The following LGSN variants were observed in gnomAD, a reference collection of about 807,000 sequenced individuals.
LGSN encodes lengsin, lens protein with glutamine synthetase domain.
In LGSN, 21 loss-of-function variants were observed where a neutral mutation model predicts 19.5. The observed-to-expected ratio is 1.07, with a 90% CI of 0.76 to 1.55. LGSN has a LOEUF of 1.55. Among genes scored for constraint, LGSN ranks in the 40% most tolerant of loss-of-function variants. LGSN has a pLI of 0.00. For missense variants in LGSN, 673 were observed against 608.5 expected (o/e 1.11, Z -1.12); for synonymous variants, 257 against 215.6 (o/e 1.19, Z -1.68).
At chr6:63,564,891 A>G in the LGSN span, among the ~76,000 whole-genome samples, 1 of 152,232 alleles carries the variant, frequency 6.6e-6, no homozygotes, top group Non-Finnish European at 1.5e-5. Flanking sequence ...AGTAGGCAAA[A>G]CAGTCATGAG....
chr6:63,447,741 A>G, the LGSN span, among the ~76,000 whole-genome samples: 1 of 152,164 alleles, frequency 6.6e-6, no homozygotes, highest in African/African-American at 2.4e-5. Context: ...ATATTACAAT[A>G]ACTTTTATGT....
intron 2 of LGSN, among the ~76,000 whole-genome samples, chr6:63,294,143 C>T (rs756019922): frequency 9.2e-5 from 14 of 151,646 alleles, no homozygotes; most frequent in Admixed American, 1.3e-4. Flanking sequence ...GAGACCAGAC[C>T]GGCTAACATG....
intron 1 of LGSN, among the ~76,000 whole-genome samples, chr6:63,319,057 C>T (rs1267073276): frequency 6.6e-6 from 1 of 151,254 alleles, no homozygotes; most frequent in Non-Finnish European, 1.5e-5. Context: ...TGCCCAGTTT[C>T]CCTTAGGGAA....
chr6:63,439,476 C>T, the LGSN span, among the ~76,000 whole-genome samples: 1 of 151,886 alleles, frequency 6.6e-6, no homozygotes, highest in African/African-American at 2.4e-5. Context: ...GATCGTGCCA[C>T]TGCACTCCGG....
chr6:63,505,948 C>A, the LGSN span, among the ~76,000 whole-genome samples: 4 of 151,686 alleles, frequency 2.6e-5, no homozygotes, highest in Non-Finnish European at 4.4e-5. Context: ...TGCGCCCAGC[C>A]GTCATATTTT....
intron 2 of LGSN, among the ~76,000 whole-genome samples, chr6:63,287,341 G>T (rs1230283997): frequency 6.6e-6 from 1 of 152,030 alleles, no homozygotes; most frequent in Non-Finnish European, 1.5e-5. Context: ...CTGAAATATT[G>T]GGTGTTCAGC....
chr6:63,401,004 C>A, the LGSN span, among the ~76,000 whole-genome samples: 3 of 151,914 alleles, frequency 2.0e-5, no homozygotes, highest in African/African-American at 7.3e-5. Flanking sequence ...TTAAAAAAAA[C>A]ATTAATTCAA....
the LGSN span, among the ~76,000 whole-genome samples, chr6:63,518,667 G>A: frequency 2.0e-5 from 3 of 152,168 alleles, no homozygotes; most frequent in East Asian, 1.9e-4. Context: ...TACAGCTAAG[G>A]TTCTTTCTAG....
At chr6:63,477,687 C>CTTTTTTT in the LGSN span, among the ~76,000 whole-genome samples, 2,578 of 61,512 alleles carry the variant, frequency 0.042, 55 homozygotes, top group Non-Finnish European at 0.055. Context: ...TTCTTTTTTT[C>CTTTTTTT]TTTTTTTTTT....
At chr6:63,335,311 A>G in the LGSN span, among the ~76,000 whole-genome samples, 1 of 152,150 alleles carries the variant, frequency 6.6e-6, no homozygotes. Flanking sequence ...ACCTGAAACT[A>G]TAAAACTACT....
the LGSN span, among the ~76,000 whole-genome samples, chr6:63,409,393 A>G: frequency 6.6e-6 from 1 of 152,168 alleles, no homozygotes; most frequent in Non-Finnish European, 1.5e-5. Flanking sequence ...AAACTTCTTG[A>G]TCAAGTATTT....
At chr6:63,478,797 G>A in the LGSN span, among the ~76,000 whole-genome samples, 3 of 152,158 alleles carry the variant, frequency 2.0e-5, 1 homozygote, top group South Asian at 6.2e-4. Context: ...AAATTCAAAA[G>A]GTAGGGTGTG....
At chr6:63,562,792 G>A in the LGSN span, among the ~76,000 whole-genome samples, 2 of 152,132 alleles carry the variant, frequency 1.3e-5, no homozygotes, top group Non-Finnish European at 2.9e-5. Flanking sequence ...CTCAGAAATA[G>A]TGTCTTTCTC....
the LGSN span, among the ~76,000 whole-genome samples, chr6:63,423,268 C>T: frequency 1.3e-5 from 2 of 152,180 alleles, no homozygotes; most frequent in African/African-American, 4.8e-5. Flanking sequence ...ATTGCTCCAG[C>T]CAGGAGGCCG....
the LGSN span, among the ~76,000 whole-genome samples, chr6:63,338,012 A>G: frequency 2.0e-5 from 3 of 151,822 alleles, no homozygotes; most frequent in Admixed American, 1.3e-4. Flanking sequence ...CAGCCTCCCA[A>G]GTAGCTGGGA....
the LGSN span, among the ~76,000 whole-genome samples, chr6:63,510,638 G>C: frequency 2.4e-5 from 3 of 126,814 alleles, no homozygotes; most frequent in Non-Finnish European, 5.2e-5. Context: ...AGCAAAACAT[G>C]TTCTCTTCCT....
At chr6:63,322,980 G>C (rs573588154), upstream of LGSN, among the ~76,000 whole-genome samples, 1 of 152,146 alleles carries the variant, frequency 6.6e-6, no homozygotes, top group Admixed American at 6.5e-5. Flanking sequence ...GTAACTCCCT[G>C]AAAAAAATTA....
the LGSN span, among the ~76,000 whole-genome samples, chr6:63,412,479 A>AGGAAAGAAAGAG: frequency 1.8e-4 from 25 of 135,828 alleles, no homozygotes; most frequent in African/African-American, 7.4e-4. Context: ...AGAGAGAAGA[A>AGGAAAGAAAGAG]AGAGAAGAAA....
At chr6:63,346,808 T>C in the LGSN span, among the ~76,000 whole-genome samples, 1 of 152,092 alleles carries the variant, frequency 6.6e-6, no homozygotes, top group South Asian at 2.1e-4. Context: ...CACCATCCTT[T>C]TGAAAGAGGA....
Sources: allele counts gnomAD v4.1 joint callset (sites outside exome capture counted in the v4.1 genomes callset), GRCh38; gene constraint gnomAD v4.1.1; transcripts MANE v1.5; gene names NCBI Gene and HGNC (gene_info 2026-07-23, HGNC 2026-07-21).